MGAM2: variants seen among roughly 807,000 people sequenced by gnomAD.
MGAM2 encodes the protein maltase-glucoamylase 2 (putative), also known as probable maltase-glucoamylase 2.
In MGAM2, 98 loss-of-function variants were observed where a neutral mutation model predicts 96.1. The observed-to-expected ratio is 1.02, with a 90% CI of 0.87 to 1.21. MGAM2 has a LOEUF of 1.21. Among genes scored for constraint, MGAM2 ranks in the 50% most tolerant of loss-of-function variants. The pLI, the probability that MGAM2 is intolerant of heterozygous loss-of-function variation, is 0.00. For synonymous variants in MGAM2, 749 were observed against 414.8 expected, an observed-to-expected ratio of 1.81 and a Z score of -9.79; for missense variants, 2,055 against 1,182.4, an observed-to-expected ratio of 1.74 and a Z score of -10.82.
At chr7:142,146,142 G>GTT (rs71166565) in intron 14 of MGAM2, among the ~76,000 whole-genome samples, 155 of 108,960 alleles carry the variant, frequency 1.4e-3, no homozygotes, top group African/African-American at 4.8e-3. Context: ...AGTTTATCAT[G>GTT]TTTTTTTTTT....
In MGAM2 at chr7:142,164,946, C is replaced by CTCAAATGTCTAACCTCA; in HGVS notation, c.2575_2576insTCAAATGTCTAACCTCA (p.Gln859LeufsTer15). 1.4e-6 allele frequency: 1 copy of CTCAAATGTCTAACCTCA among 702,740 alleles called. No individual in the cohort carries two copies. Among genetic ancestry groups the CTCAAATGTCTAACCTCA allele is most frequent in the Admixed American group, 2.0e-5 (1 of 49,998 alleles). 43.5% of individuals were successfully genotyped at this position (702,740 alleles called of 1,614,324 possible). On this transcript the variant is annotated frameshift_variant, in exon 24 of 48. Transcript: ENST00000477922. LOFTEE classifies it high-confidence loss of function. Reference sequence around the variant, plus strand: ...TATCACAATCTTGGGAATGGACAAACAGCCAGCTAATTTTATCGTCCTACT... The same window carrying CTCAAATGTCTAACCTCA: ...TATCACAATCTTGGGAATGGACAAACTCAAATGTCTAACCTCAAGCCAGCTAATTTTATCGTCCTACT...
At chr7:142,185,946 T>C (rs1217574038) in intron 34 of MGAM2, 43 bp from the exon 35 acceptor site, 2 of 699,602 alleles carry the variant, frequency 2.9e-6, no homozygotes, top group Non-Finnish European at 5.2e-6. Context: ...GTCTCCTGTA[T>C]AGGCTGAGAC....
At chr7:142,164,604 G>A (rs142589088) in intron 23 of MGAM2, among the ~76,000 whole-genome samples, 1 of 152,148 alleles carries the variant, frequency 6.6e-6, no homozygotes, top group African/African-American at 2.4e-5. Flanking sequence ...CAGTGTCAGG[G>A]ACGTATTTTC....
chr7:142,220,228 C>T lies in MGAM2; in HGVS notation c.5717C>T (p.Thr1906Ile). ...TVPITTTPFP[T>I]STIGVTTNAT... ...CCTATCACAACCACACCTTTCCCAA[C>T]AAGTACTATTGGTGTTACAACTAAT... Residue 1906 changes from threonine (T) to isoleucine (I), a missense_variant, in exon 48 of 48, where the codon ACA (threonine) becomes ATA (isoleucine). Thr to Ile is a moderately conservative substitution (Grantham distance 89, BLOSUM62 -1). Coordinates refer to ENST00000477922, the MANE Select transcript of MGAM2 (RefSeq NM_001293626.2). 1 of 702,752 alleles carries T rather than the reference C, an allele frequency of 1.4e-6. No homozygotes were observed. The highest frequency in any genetic ancestry group is 2.7e-5 in the East Asian group (1 of 37,268). The allele number at this position is 702,752 out of a possible 1,614,324, so 43.5% of individuals were successfully genotyped here.
At chr7:142,140,779 G>A in intron 10 of MGAM2, 23 bp from the exon 11 acceptor site, 1 of 698,084 alleles carries the variant, frequency 1.4e-6, no homozygotes, top group Non-Finnish European at 2.6e-6. Context: ...CCTAGGTTCT[G>A]ATTGACCAGA....
chr7:142,169,995 G>A, intron 26 of MGAM2, 80 bp from the exon 27 acceptor site: 1 of 615,294 alleles, frequency 1.6e-6, no homozygotes, highest in Non-Finnish European at 2.9e-6. Context: ...CAAAAACATG[G>A]AAACTGAATT....
rs1425460319 is a variant in MGAM2 at position 142,221,857 on chromosome 7, C to T, written c.7346C>T (p.Thr2449Ile). The change falls in exon 48 of 48, where the codon ACT becomes ATT. Residue 2449 changes from threonine to isoleucine, a missense_variant. Coordinates refer to ENST00000477922, the MANE Select transcript of MGAM2 (RefSeq NM_001293626.2). The stretch of plus-strand genomic sequence containing the variant: ...ACAGCCTCAGTCACAATAACAGCCA[C>T]TGGTCTAGATTCACAAACTCCCCAT... ...LTTASVTITA[T>I]GLDSQTPHMV... The T allele has an allele frequency of 2.5e-6, 1 of 400,942 alleles. No homozygotes were observed. The highest frequency in any genetic ancestry group is 4.4e-6 in the Non-Finnish European group (1 of 227,468). The allele number at this position is 400,942 out of a possible 1,614,324, so 24.8% of individuals were successfully genotyped here.
chr7:142,119,376 T>C (rs1340830388), intron 2 of MGAM2, among the ~76,000 whole-genome samples: 1 of 152,154 alleles, frequency 6.6e-6, no homozygotes, highest in Admixed American at 6.5e-5. Context: ...ACATATCACT[T>C]TCACACCCAC....
At chr7:142,213,367 A>G (rs1215285314) in intron 46 of MGAM2, among the ~76,000 whole-genome samples, 1 of 152,150 alleles carries the variant, frequency 6.6e-6, no homozygotes, top group African/African-American at 2.4e-5. Flanking sequence ...CCTTCAAAAA[A>G]ATCAGTGACT....
At chr7:142,130,789 T>A (rs761770840) in intron 3 of MGAM2, among the ~76,000 whole-genome samples, 159 bp from the exon 4 acceptor site, 5 of 152,246 alleles carry the variant, frequency 3.3e-5, no homozygotes, top group Non-Finnish European at 5.9e-5. Context: ...ATTGGACAGT[T>A]GGATAGATTC....
Position 142,154,114 on chromosome 7 carries a change from C to A in MGAM2, c.1731C>A (p.Asp577Glu), listed in dbSNP as rs1186278214. 2.9e-6 allele frequency: 2 copies of A among 693,480 alleles called. No individual in the cohort carries two copies. The highest frequency in any genetic ancestry group is 2.6e-6 in the Non-Finnish European group (1 of 378,080). The allele number at this position is 693,480 out of a possible 1,614,324, so 43.0% of individuals were successfully genotyped here. A position where few individuals can be genotyped will look rare whatever the true frequency, so the allele number is the denominator to read the frequency against. ...AATTTGCTGCTCATTGGCTGGGGGACAATGCGGCCACATGGGATGACCTCC... is the reference window on the plus strand; with the variant it reads ...AATTTGCTGCTCATTGGCTGGGGGAAAATGCGGCCACATGGGATGACCTCC... ...SGKFAAHWLG[D>E]NAATWDDLRW... Residue 577 changes from aspartate to glutamate, a missense_variant, in exon 16 of 48, where the codon GAC becomes GAA. Transcript: ENST00000477922.
At chr7:142,150,257 G>A (rs1353876842) in intron 15 of MGAM2, among the ~76,000 whole-genome samples, 2 of 152,124 alleles carry the variant, frequency 1.3e-5, no homozygotes, top group African/African-American at 4.8e-5. Flanking sequence ...CTTAAATTCT[G>A]TATCTTGGTT....
intron 3 of MGAM2, among the ~76,000 whole-genome samples, chr7:142,127,893 G>C (rs986024294): frequency 6.6e-6 from 1 of 152,156 alleles, no homozygotes; most frequent in Non-Finnish European, 1.5e-5. Context: ...ATTGGTACCA[G>C]GTAGTGGGGT....
intron 45 of MGAM2, among the ~76,000 whole-genome samples, chr7:142,202,206 A>G (rs763461111): frequency 3.3e-5 from 5 of 152,236 alleles, no homozygotes; most frequent in Non-Finnish European, 7.3e-5. Flanking sequence ...AGCTGACTAG[A>G]AAGAAGTACT....
At chr7:142,203,836 A>G (rs961658327) in intron 45 of MGAM2, among the ~76,000 whole-genome samples, 1 of 152,106 alleles carries the variant, frequency 6.6e-6, no homozygotes, top group African/African-American at 2.4e-5. Context: ...CTGTATAAAA[A>G]AATTAACTCG....
intron 31 of MGAM2, among the ~76,000 whole-genome samples, chr7:142,174,998 C>T (rs1034271089): frequency 3.3e-5 from 5 of 152,120 alleles, no homozygotes; most frequent in African/African-American, 7.2e-5. Context: ...AGATTACAGG[C>T]GTGAGCCACC....
intron 14 of MGAM2, among the ~76,000 whole-genome samples, chr7:142,145,390 T>G (rs1245553339): frequency 1.3e-5 from 2 of 152,088 alleles, no homozygotes; most frequent in Non-Finnish European, 2.9e-5. Context: ...TCTTCCCTTT[T>G]TCCTTTTTCT....
intron 44 of MGAM2, 21 bp from the exon 45 acceptor site, chr7:142,199,859 T>TG (rs1563291154): frequency 5.0e-6 from 3 of 596,658 alleles, no homozygotes; most frequent in Non-Finnish European, 8.7e-6. Flanking sequence ...GAAAAATAAC[T>TG]CTTTTTTTTT....
intron 1 of MGAM2, among the ~76,000 whole-genome samples, chr7:142,114,196 A>AAGAAAG (rs1817296001): frequency 7.4e-6 from 1 of 134,478 alleles, no homozygotes; most frequent in Non-Finnish European, 1.5e-5. Context: ...GAAAGAAAGA[A>AAGAAAG]AGAAAGAAAG....
Sources: gnomAD v4.1 joint callset for allele counts (sites outside exome capture counted in the v4.1 genomes callset) on GRCh38, gnomAD v4.1.1 for gene constraint, MANE v1.5 for transcripts, NCBI Gene and HGNC (gene_info 2026-07-23, HGNC 2026-07-21) for gene names.